SNRPD2: variants seen among roughly 807,000 people sequenced by gnomAD.
The protein encoded by SNRPD2 is small nuclear ribonucleoprotein Sm D2.
A neutral mutation model predicts 11.5 loss-of-function variants in SNRPD2; 1 was observed. That is an observed-to-expected ratio of 0.09 (90% CI 0.03 to 0.41). The LOEUF is 0.41. Among genes scored for constraint, SNRPD2 ranks in the 10% least tolerant of loss-of-function variants. The pLI is 0.98. For missense variants in SNRPD2, 77 were observed against 154.9 expected, an observed-to-expected ratio of 0.50 and a Z score of 2.67; for synonymous variants, 63 against 61.5, an observed-to-expected ratio of 1.02 and a Z score of -0.12.
chr19:45,687,476 G>A lies in SNRPD2; in HGVS notation c.*77C>T. The A allele has an allele frequency of 1.5e-6, 2 of 1,375,020 alleles. No homozygotes were observed. Among genetic ancestry groups the A allele is most frequent in the South Asian group, 1.3e-5 (1 of 79,710 alleles). 85.2% of individuals were successfully genotyped at this position (1,375,020 alleles called of 1,614,324 possible). ...AGATACCACTAGAAAAAAACACAGAGCTTTATTATTCTCAACACCAATGGC... is the reference window on the plus strand; with the variant it reads ...AGATACCACTAGAAAAAAACACAGAACTTTATTATTCTCAACACCAATGGC... On this transcript the variant is annotated 3_prime_UTR_variant, in exon 3 of 3. Coordinates refer to ENST00000342669, the MANE Select transcript of SNRPD2 (RefSeq NM_001384647.1). The surrounding 1 kb of genome is among the most constrained non-coding windows in gnomAD (Gnocchi z 4.1).
At chr19:45,691,793 GC>G (rs61466254) in intron 1 of SNRPD2, 93 bp downstream of exon 1, 117 of 1,422,902 alleles carry the variant, frequency 8.2e-5, no homozygotes, top group Non-Finnish European at 9.4e-5. Context: ...ATCTGCCCCT[GC>G]CCCCCCCGCT....
chr19:45,692,008 C>A, upstream of SNRPD2: 4 of 1,608,812 alleles, frequency 2.5e-6, no homozygotes, highest in East Asian at 2.2e-5. Flanking sequence ...CAAAGCCAAC[C>A]AGTAAGTGGA....
chr19:45,688,335 G>A lies in SNRPD2; in HGVS notation c.182+52C>T. On this transcript the variant is annotated intron_variant, in intron 2 of 2. Coordinates refer to ENST00000342669, the MANE Select transcript of SNRPD2 (RefSeq NM_001384647.1). This position sits in a 1 kb window ranked among gnomAD's most constrained non-coding sequence, Gnocchi z 4.1. ...TCTTTGAGCTCTTCAGACTGGAGCT[G>A]GAGTGGCCTCTCCAGGCCTGCGGAG... The A allele has an allele frequency of 6.6e-7, 1 of 1,505,050 alleles. No individual in the cohort carries two copies. Among genetic ancestry groups the A allele is most frequent in the Non-Finnish European group, 9.2e-7 (1 of 1,084,948 alleles). The allele number at this position is 1,505,050 out of a possible 1,614,324, so 93.2% of individuals were successfully genotyped here.
At chr19:45,692,029 G>C (rs1028636883), upstream of SNRPD2, 2 of 1,596,298 alleles carry the variant, frequency 1.3e-6, no homozygotes, top group Non-Finnish European at 1.7e-6. Context: ...GGCGTGGCCT[G>C]TTGCCACAGC....
At chr19:45,690,427 G>A (rs1323996004) in intron 1 of SNRPD2, 2 of 151,502 alleles carry the variant, frequency 1.3e-5, no homozygotes. Flanking sequence ...CTTGAACCCA[G>A]GAGACAGAGC....
At chr19:45,691,997 G>A (rs1967574903), upstream of SNRPD2, 11 of 1,610,360 alleles carry the variant, frequency 6.8e-6, no homozygotes, top group Middle Eastern at 1.6e-4. Flanking sequence ...TGGCGCCTGC[G>A]CAAAGCCAAC....
upstream of SNRPD2, chr19:45,692,000 A>C: frequency 6.2e-7 from 1 of 1,610,492 alleles, no homozygotes; most frequent in South Asian, 1.1e-5. Flanking sequence ...CGCCTGCGCA[A>C]AGCCAACCAG....
chr19:45,690,815 G>A (rs1967521994), intron 1 of SNRPD2: 1 of 141,896 alleles, frequency 7.0e-6, no homozygotes. Context: ...CTGAGCAACA[G>A]AGCAAGGCTC....
In SNRPD2 at chr19:45,688,651, G is replaced by T; in HGVS notation, c.3-85C>A. The T allele has an allele frequency of 9.7e-7, 1 of 1,033,780 alleles. No individual in the cohort carries two copies. 64.0% of individuals were successfully genotyped at this position (1,033,780 alleles called of 1,614,324 possible). The stretch of plus-strand genomic sequence containing the variant: ...GTGAGGATGGGTGATCAGGGCCTTG[G>T]CTTCAGTGTCTCCCCAACCTTGTCC... On this transcript the variant is annotated intron_variant, in intron 1 of 2. Transcript: ENST00000342669. This position sits in a 1 kb window ranked among gnomAD's most constrained non-coding sequence, Gnocchi z 4.1.
At position 45,687,478 on chromosome 19, in the gene SNRPD2, T is replaced by A; in HGVS notation, c.*75A>T. 1 of 1,393,030 alleles carries A rather than the reference T, an allele frequency of 7.2e-7. No individual in the cohort carries two copies. Among genetic ancestry groups the A allele is most frequent in the South Asian group, 1.2e-5 (1 of 80,574 alleles). 86.3% of individuals were successfully genotyped at this position (1,393,030 alleles called of 1,614,324 possible). ...ATACCACTAGAAAAAAACACAGAGCTTTATTATTCTCAACACCAATGGCAG... is the reference window on the plus strand; with the variant it reads ...ATACCACTAGAAAAAAACACAGAGCATTATTATTCTCAACACCAATGGCAG... On this transcript the variant is annotated 3_prime_UTR_variant, in exon 3 of 3. Coordinates refer to ENST00000342669, the MANE Select transcript of SNRPD2 (RefSeq NM_001384647.1). This position sits in a 1 kb window ranked among gnomAD's most constrained non-coding sequence, Gnocchi z 4.1.
rs775148756 is a variant in SNRPD2, at chr19:45,688,230, G to A, written c.182+157C>T. 1.3e-5 allele frequency among the ~76,000 whole-genome samples: 2 copies of A among 152,082 alleles called. No individual in the cohort carries two copies. Among genetic ancestry groups the A allele is most frequent in the African/African-American group, 4.8e-5 (2 of 41,418 alleles). On this transcript the variant is annotated intron_variant, in intron 2 of 2. Transcript: ENST00000342669. The surrounding 1 kb of genome is among the most constrained non-coding windows in gnomAD (Gnocchi z 4.1). ...ACTCCTGACCTCAGGTGATCTACCC[G>A]CCTTGCCTTCCCAAAGTGCTGGGAT...
intron 1 of SNRPD2, chr19:45,691,602 G>A: frequency 4.6e-6 from 2 of 434,872 alleles, no homozygotes; most frequent in Admixed American, 3.6e-5. Context: ...GAACTCCTGT[G>A]TTCCAGCGAT....
At chr19:45,692,055 T>C, upstream of SNRPD2, 3 of 1,556,552 alleles carry the variant, frequency 1.9e-6, no homozygotes, top group Non-Finnish European at 2.6e-6. Flanking sequence ...CCACCAACGG[T>C]GCACAATGAT....
intron 1 of SNRPD2, among the ~76,000 whole-genome samples, chr19:45,689,762 G>A (rs956275949): frequency 6.6e-6 from 1 of 151,986 alleles, no homozygotes; most frequent in Non-Finnish European, 1.5e-5. Flanking sequence ...GGCCAGATGC[G>A]ATGGCTCACG....
At position 45,691,933 on chromosome 19, in the gene SNRPD2, C is replaced by A; in HGVS notation, c.-45G>T. The A allele has an allele frequency of 6.2e-7, 1 of 1,614,124 alleles. No homozygotes were observed. The highest frequency in any genetic ancestry group is 8.5e-7 in the Non-Finnish European group (1 of 1,179,964). ...GTTCACTCCCGTTTCCTCCGCGTTG[C>A]TGCTGCCTGAGGAGAGAGAGGCGGG... is the stretch of plus-strand genomic sequence containing the variant. On this transcript the variant is annotated 5_prime_UTR_variant, in exon 1 of 3. Coordinates refer to ENST00000342669, the MANE Select transcript of SNRPD2 (RefSeq NM_001384647.1).
intron 1 of SNRPD2, chr19:45,689,232 C>G (rs1356380927): frequency 1.9e-6 from 1 of 520,172 alleles, no homozygotes; most frequent in South Asian, 1.4e-5. Context: ...CCGTTTCTTA[C>G]CATGGCCTAA....
upstream of SNRPD2, chr19:45,692,123 T>A: frequency 1.0e-6 from 1 of 1,001,008 alleles, no homozygotes; most frequent in Non-Finnish European, 1.4e-6. Context: ...GGGGCAGATG[T>A]TTATGACAAT....
chr19:45,691,826 C>A, intron 1 of SNRPD2, 61 bp downstream of exon 1: 7 of 1,606,668 alleles, frequency 4.4e-6, no homozygotes, highest in Non-Finnish European at 6.0e-6. Context: ...TTCCCACACT[C>A]AATCGGTCAA....
chr19:45,691,554 A>G (rs1461213692), intron 1 of SNRPD2: 1 of 184,582 alleles, frequency 5.4e-6, no homozygotes, highest in Non-Finnish European at 9.6e-6. Context: ...TTTTTTTTGT[A>G]GAGACGGGGG....
Sources: allele counts gnomAD v4.1 joint callset (sites outside exome capture counted in the v4.1 genomes callset), GRCh38; gene constraint gnomAD v4.1.1; non-coding constraint Gnocchi (gnomAD v3.1); transcripts MANE v1.5; gene names NCBI Gene and HGNC (gene_info 2026-07-23, HGNC 2026-07-21).